Variants in CFAP20DC observed in about 807,000 individuals in gnomAD.
CFAP20DC encodes the protein CFAP20 domain containing.
In CFAP20DC, 84 loss-of-function variants were observed where a neutral mutation model predicts 101.7. The observed-to-expected ratio is 0.83, with a 90% CI of 0.69 to 0.99. The LOEUF is 0.99. Among genes scored for constraint, CFAP20DC ranks in the 50% least tolerant of loss-of-function variants. CFAP20DC has a pLI of 0.00. For missense variants in CFAP20DC, 1,007 were observed against 970.3 expected (o/e 1.04, Z -0.50); for synonymous variants, 359 against 351.2 (o/e 1.02, Z -0.25).
At chr3:58,809,692 T>C (rs1238319095) in intron 14 of CFAP20DC, among the ~76,000 whole-genome samples, 1 of 151,896 alleles carries the variant, frequency 6.6e-6, no homozygotes, top group Non-Finnish European at 1.5e-5. Flanking sequence ...AGGCAAGACA[T>C]AACTAAAATC....
intron 4 of CFAP20DC, among the ~76,000 whole-genome samples, chr3:58,978,423 T>C (rs116711999): frequency 6.9e-4 from 105 of 152,240 alleles, no homozygotes; most frequent in African/African-American, 2.3e-3. Context: ...AAAAGTATTA[T>C]TCTTGCCAGG....
intron 5 of CFAP20DC, among the ~76,000 whole-genome samples, chr3:58,937,111 A>G (rs1239160326): frequency 6.6e-6 from 1 of 152,168 alleles, no homozygotes; most frequent in African/African-American, 2.4e-5. Flanking sequence ...AAGTTATACA[A>G]CGTACTTAAA....
At chr3:58,753,947 G>C (rs1463756390) in intron 15 of CFAP20DC, 84 bp from the exon 16 acceptor site, 2 of 879,602 alleles carry the variant, frequency 2.3e-6, no homozygotes, top group Admixed American at 2.7e-5. Flanking sequence ...GTTCCTTGGG[G>C]CTTCCAAAAA....
At chr3:58,734,945 G>A (rs928070337) in intron 3 of CFAP20DC, among the ~76,000 whole-genome samples, 1 of 152,114 alleles carries the variant, frequency 6.6e-6, no homozygotes, top group Non-Finnish European at 1.5e-5. Context: ...GAAATTGAAA[G>A]CCACAGGTCT....
rs35778488 is a variant in CFAP20DC, at chr3:58,863,864, A to T, written c.1287T>A (p.Asp429Glu). ...SDEWIFPENA[D>E]HISYLASSRQ... ...TGCTGGATGCCAGATATGAAATGTG[A>T]TCAGCATTTTCAGGAAAAATCCACT... Residue 429 changes from aspartate to glutamate, a missense_variant, in exon 12 of 17, where the codon GAT (aspartate) becomes GAA (glutamate). Coordinates refer to ENST00000482387, the MANE Select transcript of CFAP20DC (RefSeq NM_001394063.1). The surrounding 1 kb of genome is among the most constrained non-coding windows in gnomAD (Gnocchi z 5.9). The T allele has an allele frequency of 8.6e-3, 13,929 of 1,612,446 alleles. 1,038 individuals carry two copies. The African/African-American group carries it at 0.16, about 19-fold the overall frequency.
chr3:58,820,504 C>G (rs1326496116), intron 14 of CFAP20DC, among the ~76,000 whole-genome samples: 1 of 150,310 alleles, frequency 6.7e-6, no homozygotes, highest in Admixed American at 6.6e-5. Context: ...CAACAACAGA[C>G]AAACAGAGAG....
At chr3:59,010,203 C>T (rs748477831) in intron 4 of CFAP20DC, among the ~76,000 whole-genome samples, 5 of 152,068 alleles carry the variant, frequency 3.3e-5, no homozygotes, top group South Asian at 2.1e-4. Context: ...TAGTACCTCA[C>T]ATCTGAATAC....
At chr3:58,934,884 AC>A (rs2087302382) in intron 5 of CFAP20DC, among the ~76,000 whole-genome samples, 1 of 152,194 alleles carries the variant, frequency 6.6e-6, no homozygotes, top group Non-Finnish European at 1.5e-5. Flanking sequence ...GCCCTCTCTC[AC>A]CACTCCTATT....
At chr3:58,765,507 A>C (rs201381157) in intron 15 of CFAP20DC, among the ~76,000 whole-genome samples, 10,229 of 146,452 alleles carry the variant, frequency 0.07, 521 homozygotes, top group East Asian at 0.3. Flanking sequence ...AAAAAAAAAA[A>C]CAAACAGAAA....
chr3:58,900,208 A>C (rs1027297614), intron 6 of CFAP20DC, among the ~76,000 whole-genome samples: 2 of 152,192 alleles, frequency 1.3e-5, no homozygotes, highest in Admixed American at 6.5e-5. Flanking sequence ...AGTTCTGCCA[A>C]AGGATTGTTA....
At chr3:58,812,941 A>T (rs2074785406) in intron 14 of CFAP20DC, among the ~76,000 whole-genome samples, 1 of 151,914 alleles carries the variant, frequency 6.6e-6, no homozygotes, top group Admixed American at 6.6e-5. Context: ...GGAAAACAAA[A>T]CCAAACAAGA....
At chr3:58,801,842 C>T (rs2073732401) in intron 15 of CFAP20DC, among the ~76,000 whole-genome samples, 1 of 152,188 alleles carries the variant, frequency 6.6e-6, no homozygotes, top group South Asian at 2.1e-4. Context: ...AGGATTCAGG[C>T]CCTAACACAA....
chr3:58,932,870 GA>G (rs1400808624), intron 5 of CFAP20DC, among the ~76,000 whole-genome samples: 1 of 152,150 alleles, frequency 6.6e-6, no homozygotes, highest in African/African-American at 2.4e-5. Flanking sequence ...ATCAACTAAT[GA>G]GCAAAATACC....
At chr3:58,726,928 TC>T (rs1289861457) in intron 3 of CFAP20DC, 1 of 237,980 alleles carries the variant, frequency 4.2e-6, no homozygotes, top group Admixed American at 6.2e-5. Context: ...GAGCGACCCA[TC>T]CCTTCCACTC....
chr3:58,905,249 G>A (rs1436575299), intron 6 of CFAP20DC, among the ~76,000 whole-genome samples: 1 of 149,246 alleles, frequency 6.7e-6, no homozygotes, highest in African/African-American at 2.5e-5. Flanking sequence ...TCTCTCCTCT[G>A]TCTTCCTTTT....
At chr3:58,936,478 T>G (rs1433123766) in intron 5 of CFAP20DC, among the ~76,000 whole-genome samples, 2 of 152,196 alleles carry the variant, frequency 1.3e-5, no homozygotes, top group African/African-American at 4.8e-5. Flanking sequence ...TGCACACGTA[T>G]GTTTATTGCG....
chr3:58,950,036 C>T (rs893825042), intron 4 of CFAP20DC, among the ~76,000 whole-genome samples: 10 of 152,092 alleles, frequency 6.6e-5, no homozygotes, highest in African/African-American at 1.9e-4. Context: ...CGTCTCAGCC[C>T]AAAATCTCCT....
rs1430604408 is a variant in CFAP20DC at position 58,722,975 on chromosome 3, A to T, written c.198-5347T>A. ...GAGCACATGATCAGGTTTCTCAAAC[A>T]GTCGAAATCCCTGACAACCATGCTG... On this transcript the variant is annotated intron_variant, in intron 3 of 3. Transcript: ENST00000486145. The surrounding 1 kb of genome is among the most constrained non-coding windows in gnomAD (Gnocchi z 4.5). Among the ~76,000 whole-genome samples, 1 of 152,252 alleles carries T rather than the reference A, an allele frequency of 6.6e-6. No homozygotes were observed. Among genetic ancestry groups the T allele is most frequent in the Admixed American group, 6.5e-5 (1 of 15,282 alleles).
chr3:58,784,300 T>A (rs376831880), intron 15 of CFAP20DC, among the ~76,000 whole-genome samples: 41 of 152,080 alleles, frequency 2.7e-4, no homozygotes, highest in African/African-American at 9.4e-4. Context: ...CATGTATATG[T>A]ACCAAATATT....
Sources: allele counts gnomAD v4.1 joint callset (sites outside exome capture counted in the v4.1 genomes callset), GRCh38; gene constraint gnomAD v4.1.1; non-coding constraint Gnocchi (gnomAD v3.1); transcripts MANE v1.5; gene names NCBI Gene and HGNC (gene_info 2026-07-23, HGNC 2026-07-21).